The following LPP variants were observed in gnomAD, a reference collection of about 807,000 sequenced individuals.
LPP encodes LIM domain containing preferred translocation partner in lipoma.
LPP carries 38 observed loss-of-function variants against 60.4 expected under a neutral mutation model. That is an observed-to-expected ratio of 0.63 (90% confidence interval 0.49 to 0.83). The LOEUF (loss-of-function observed/expected upper bound fraction) is 0.83, where lower values mean the gene tolerates loss of function less well. LPP is among the 40% of genes least tolerant of loss of function. LPP has a pLI of 0.00. For synonymous variants in LPP, 328 were observed against 290.8 expected (o/e 1.13, Z -1.30); for missense variants, 902 against 783.6 (o/e 1.15, Z -1.80).
chr3:188,445,705 T>C (rs1055113427), intron 4 of LPP, among the ~76,000 whole-genome samples: 3 of 152,066 alleles, frequency 2.0e-5, no homozygotes, highest in Non-Finnish European at 2.9e-5. Context: ...TTGGAACTCA[T>C]GATGTGCCAG....
intron 7 of LPP, among the ~76,000 whole-genome samples, chr3:188,671,994 A>C (rs903314538): frequency 6.6e-6 from 1 of 152,222 alleles, no homozygotes; most frequent in African/African-American, 2.4e-5. Context: ...ACTGAAGGGC[A>C]AAAAGACATA....
At chr3:188,472,020 TGA>T (rs1801972648) in intron 4 of LPP, among the ~76,000 whole-genome samples, 3 of 152,212 alleles carry the variant, frequency 2.0e-5, no homozygotes, top group African/African-American at 7.2e-5. Context: ...GTTCTCCAGC[TGA>T]GAGAGACTAA....
intron 3 of LPP, among the ~76,000 whole-genome samples, chr3:188,357,524 G>C (rs1767968416): frequency 6.6e-6 from 1 of 152,144 alleles, no homozygotes; most frequent in African/African-American, 2.4e-5. Context: ...CTTTTTTTAA[G>C]TCACATGTCA....
chr3:188,153,641 C>G (rs1715139506), upstream of LPP: 1 of 152,398 alleles, frequency 6.6e-6, no homozygotes, highest in Admixed American at 6.5e-5. Context: ...CCTCTTCCTC[C>G]CAGGAAATGC....
At chr3:188,570,532 A>G (rs1395980734) in intron 6 of LPP, among the ~76,000 whole-genome samples, 1 of 152,094 alleles carries the variant, frequency 6.6e-6, no homozygotes, top group Non-Finnish European at 1.5e-5. Context: ...TCTCAGGCAG[A>G]GAGTACCAGA....
At chr3:188,363,235 C>G (rs924327578) in intron 3 of LPP, among the ~76,000 whole-genome samples, 10 of 151,976 alleles carry the variant, frequency 6.6e-5, no homozygotes, top group Non-Finnish European at 1.5e-4. Flanking sequence ...CGGTTTTTTG[C>G]TAAAAGGCCT....
intron 8 of LPP, among the ~76,000 whole-genome samples, chr3:188,755,165 A>T (rs900151506): frequency 6.6e-6 from 1 of 152,242 alleles, no homozygotes; most frequent in Non-Finnish European, 1.5e-5. Flanking sequence ...TTAAAGGTAC[A>T]ATATTAATTT....
intron 3 of LPP, among the ~76,000 whole-genome samples, chr3:188,372,128 A>C (rs1409019351): frequency 6.6e-6 from 1 of 152,000 alleles, no homozygotes; most frequent in Non-Finnish European, 1.5e-5. Flanking sequence ...AAAGCCTTCC[A>C]TGCCCAACCC....
At chr3:188,720,584 A>G (rs1252746322) in intron 8 of LPP, among the ~76,000 whole-genome samples, 1 of 151,714 alleles carries the variant, frequency 6.6e-6, no homozygotes, top group Admixed American at 6.6e-5. Flanking sequence ...AAAAAGAAAA[A>G]GCAAAAAATA....
intron 8 of LPP, among the ~76,000 whole-genome samples, chr3:188,741,298 A>T (rs963138322): frequency 1.3e-5 from 2 of 151,852 alleles, no homozygotes; most frequent in Non-Finnish European, 2.9e-5. Flanking sequence ...CTTTGTATCT[A>T]TCCTTGTGCT....
chr3:188,508,630 A>C (rs1814265337), intron 5 of LPP, among the ~76,000 whole-genome samples: 1 of 152,118 alleles, frequency 6.6e-6, no homozygotes, highest in Non-Finnish European at 1.5e-5. Flanking sequence ...GGAAACTCGC[A>C]CTCCTTCGAG....
chr3:188,849,979 A>G (rs1762353212), intron 9 of LPP, among the ~76,000 whole-genome samples: 2 of 152,210 alleles, frequency 1.3e-5, no homozygotes, highest in Admixed American at 1.3e-4. Context: ...TACTCTGTTC[A>G]TTTTAAAAGA....
rs1491047646 is a variant in LPP, at chr3:188,878,758, G to GT, written c.*4280dup. ...AATATACTCACCAAAAAGTAAAAAAGTAAAAAAAAAAAAAAAAGAAAGAAA... is the reference window on the plus strand; with the variant it reads ...AATATACTCACCAAAAAGTAAAAAAGTTAAAAAAAAAAAAAAAAGAAAGAAA... On this transcript the variant is annotated 3_prime_UTR_variant, in exon 12 of 12. Coordinates refer to ENST00000617246, the MANE Select transcript of LPP (RefSeq NM_001375462.1). 1.4e-5 allele frequency: 1 copy of GT among 71,610 alleles called. No homozygotes were observed. Among genetic ancestry groups the GT allele is most frequent in the African/African-American group, 7.2e-5 (1 of 13,880 alleles). The allele number at this position is 71,610 out of a possible 1,614,324, so 4.4% of individuals were successfully genotyped here. A position where few individuals can be genotyped will look rare whatever the true frequency, so the allele number is the denominator to read the frequency against.
intron 2 of LPP, among the ~76,000 whole-genome samples, chr3:188,315,191 G>A (rs973068436): frequency 1.3e-5 from 2 of 151,972 alleles, no homozygotes; most frequent in African/African-American, 4.8e-5. Context: ...TTTGCATGGT[G>A]TAAAATAATT....
intron 5 of LPP, among the ~76,000 whole-genome samples, chr3:188,510,911 G>A (rs1274332563): frequency 2.6e-5 from 4 of 151,356 alleles, no homozygotes; most frequent in African/African-American, 4.9e-5. Context: ...CTTTTTTCTC[G>A]AACATCTTGT....
rs1560347551 is a variant in LPP at position 188,883,298 on chromosome 3, GT to G, written c.*8826del. ...GAGGGCCAGACATTAGAATTTGTGA[GT>G]TTTTTTGTTGCTGGTTGTACTTTCC... is the stretch of plus-strand genomic sequence containing the variant. On this transcript the variant is annotated 3_prime_UTR_variant, in exon 12 of 12. Coordinates refer to ENST00000617246, the MANE Select transcript of LPP (RefSeq NM_001375462.1). 5 of 214,324 alleles carry G rather than the reference GT, an allele frequency of 2.3e-5. No individual in the cohort carries two copies. Among genetic ancestry groups the G allele is most frequent in the African/African-American group, 2.3e-5 (1 of 44,336 alleles). 13.3% of individuals were successfully genotyped at this position (214,324 alleles called of 1,614,324 possible).
At chr3:188,284,462 G>A (rs1193615485) in intron 2 of LPP, among the ~76,000 whole-genome samples, 1 of 152,112 alleles carries the variant, frequency 6.6e-6, no homozygotes, top group African/African-American at 2.4e-5. Context: ...GGGAGGTGGA[G>A]GATTCAAGTC....
At chr3:188,156,201 G>A (rs1716360352) in intron 1 of LPP, among the ~76,000 whole-genome samples, 1 of 152,126 alleles carries the variant, frequency 6.6e-6, no homozygotes, top group Admixed American at 6.6e-5. Context: ...AGTCCCCCCA[G>A]AGGCAGGCTC....
intron 9 of LPP, among the ~76,000 whole-genome samples, chr3:188,817,339 G>A (rs1378700629): frequency 6.6e-6 from 1 of 152,132 alleles, no homozygotes; most frequent in Non-Finnish European, 1.5e-5. Context: ...GTGTAGTAGT[G>A]GGCAGTGACC....
Sources: gnomAD v4.1 joint callset for allele counts (sites outside exome capture counted in the v4.1 genomes callset) on GRCh38, gnomAD v4.1.1 for gene constraint, MANE v1.5 for transcripts, NCBI Gene and HGNC (gene_info 2026-07-23, HGNC 2026-07-21) for gene names.